Variants in CEP20 observed in about 807,000 individuals in gnomAD.
The protein encoded by CEP20 is FGFR1OP N-terminal like.
A neutral mutation model predicts 20.0 loss-of-function variants in CEP20; 18 were observed. The ratio of observed to expected loss-of-function variants is 0.90; its 90% CI spans 0.62 to 1.34. The LOEUF is 1.34. Among genes scored for constraint, CEP20 ranks in the 40% most tolerant of loss-of-function variants. The pLI, the probability that CEP20 is intolerant of heterozygous loss-of-function variation, is 0.00. For missense variants in CEP20, 215 were observed against 201.6 expected (o/e 1.07, Z -0.40); for synonymous variants, 77 against 73.7 (o/e 1.04, Z -0.23).
intron 3 of CEP20, among the ~76,000 whole-genome samples, chr16:15,876,783 C>A (rs2044960926): frequency 1.3e-5 from 2 of 151,690 alleles, no homozygotes; most frequent in African/African-American, 2.4e-5. Context: ...AAAGAAGTTA[C>A]CTAACTTTTA....
intron 2 of CEP20, chr16:15,883,195 C>G (rs1282551831): frequency 6.6e-6 from 1 of 152,120 alleles, no homozygotes; most frequent in Non-Finnish European, 1.5e-5. Context: ...GAGCTCATCT[C>G]TATAAATAAT....
chr16:15,867,912 G>T (rs1258162068), intron 4 of CEP20, among the ~76,000 whole-genome samples: 1 of 147,844 alleles, frequency 6.8e-6, no homozygotes, highest in Non-Finnish European at 1.5e-5. Flanking sequence ...GGCAGAAGTT[G>T]CAGTGAGCCA....
chr16:15,875,215 C>T (rs1018300287), intron 3 of CEP20, among the ~76,000 whole-genome samples: 7 of 152,100 alleles, frequency 4.6e-5, no homozygotes, highest in South Asian at 2.1e-4. Context: ...AATAAGATGC[C>T]GCAACTCTTA....
intron 1 of CEP20, chr16:15,886,141 C>G (rs2045241760): frequency 6.6e-6 from 1 of 152,212 alleles, no homozygotes; most frequent in South Asian, 2.1e-4. Flanking sequence ...CTGCCAAAGG[C>G]ACCAAGTAAG....
At chr16:15,883,840 C>G (rs989554551) in intron 2 of CEP20, among the ~76,000 whole-genome samples, 168 bp downstream of exon 2, 1 of 152,074 alleles carries the variant, frequency 6.6e-6, no homozygotes, top group Non-Finnish European at 1.5e-5. Context: ...TATGTATTTT[C>G]TCTTGTAAGA....
chr16:15,888,291 T>C (rs1330296745), intron 1 of CEP20, among the ~76,000 whole-genome samples: 1 of 152,112 alleles, frequency 6.6e-6, no homozygotes, highest in East Asian at 1.9e-4. Flanking sequence ...TGCAGGCCTG[T>C]AGGCCTCTTA....
intron 1 of CEP20, among the ~76,000 whole-genome samples, chr16:15,885,294 T>C (rs758919206): frequency 2.2e-4 from 33 of 150,292 alleles, no homozygotes; most frequent in Non-Finnish European, 3.5e-4. Context: ...GGCGAAAGAG[T>C]GAGACTCTGT....
chr16:15,867,655 AC>A (rs1229594036), intron 4 of CEP20, 139 bp from the exon 5 acceptor site: 5 of 547,986 alleles, frequency 9.1e-6, no homozygotes, highest in South Asian at 3.6e-5. Flanking sequence ...AATGAAAAAA[AC>A]CCATTATTTT....
In CEP20 at chr16:15,865,914, T is replaced by C. The variant is rs1033298331; in HGVS notation, c.*1526A>G. The C allele has an allele frequency of 1.3e-5, 2 of 152,206 alleles. No individual in the cohort carries two copies. Among genetic ancestry groups the C allele is most frequent in the African/African-American group, 2.4e-5 (1 of 41,458 alleles). The allele number at this position is 152,206 out of a possible 1,614,324, so 9.4% of individuals were successfully genotyped here. On this transcript the variant is annotated 3_prime_UTR_variant, in exon 5 of 5. Transcript: ENST00000255759. ...CATTTTTTCCGAATATAGTCTTACA[T>C]GATTGCAATTCCTGAGGTAAACTAA...
intron 3 of CEP20, among the ~76,000 whole-genome samples, chr16:15,875,630 G>C (rs150888296): frequency 1.3e-5 from 2 of 152,252 alleles, no homozygotes; most frequent in East Asian, 3.9e-4. Context: ...TTTAAAATAA[G>C]TTTCAAAAAG....
In CEP20 at chr16:15,865,975, T is replaced by C. The variant is rs189137827; in HGVS notation, c.*1465A>G. 2 of 152,174 alleles carry C rather than the reference T, an allele frequency of 1.3e-5. No individual in the cohort carries two copies. The highest frequency in any genetic ancestry group is 3.9e-4 in the East Asian group (2 of 5,180). 9.4% of individuals were successfully genotyped at this position (152,174 alleles called of 1,614,324 possible). On this transcript the variant is annotated 3_prime_UTR_variant, in exon 5 of 5. Coordinates refer to ENST00000255759, the MANE Select transcript of CEP20 (RefSeq NM_144600.4). The stretch of plus-strand genomic sequence containing the variant: ...CCAACATCCTTGGACGAAAACCAAG[T>C]CCCCCGGGAGAATTCAGATATTTAT...
intron 1 of CEP20, chr16:15,886,189 G>C (rs2045242878): frequency 6.6e-6 from 1 of 152,220 alleles, no homozygotes; most frequent in African/African-American, 2.4e-5. Context: ...GAGAGCCCAG[G>C]AGCTTATCCA....
chr16:15,878,498 C>CTT (rs11290804), intron 3 of CEP20, among the ~76,000 whole-genome samples: 1 of 139,824 alleles, frequency 7.2e-6, no homozygotes, highest in Non-Finnish European at 1.6e-5. Context: ...ACTTTCAGAA[C>CTT]TTTTTTTTTT....
intron 2 of CEP20, chr16:15,882,939 C>T (rs12596627): frequency 0.22 from 33,033 of 151,370 alleles, 3,881 homozygotes; most frequent in African/African-American, 0.35. Context: ...CCGGGCCTGG[C>T]AGCACACACC....
At chr16:15,868,402 G>A (rs868470267) in intron 4 of CEP20, among the ~76,000 whole-genome samples, 4 of 152,070 alleles carry the variant, frequency 2.6e-5, no homozygotes, top group Non-Finnish European at 5.9e-5. Context: ...CAGCCTGGGC[G>A]ACAGAGCAAG....
At chr16:15,878,040 C>T (rs773339967) in intron 3 of CEP20, among the ~76,000 whole-genome samples, 22 of 149,706 alleles carry the variant, frequency 1.5e-4, no homozygotes, top group Non-Finnish European at 2.5e-4. Flanking sequence ...GGCGACAGAG[C>T]GAGACCCTAT....
intron 4 of CEP20, among the ~76,000 whole-genome samples, chr16:15,869,347 G>A (rs141626378): frequency 0.071 from 9,573 of 133,996 alleles, 426 homozygotes; most frequent in East Asian, 0.23. Context: ...GTCTCGCTCT[G>A]TCGCCCAGGC....
intron 1 of CEP20, among the ~76,000 whole-genome samples, chr16:15,887,933 C>A (rs1259373288): frequency 6.6e-6 from 1 of 151,806 alleles, no homozygotes; most frequent in Non-Finnish European, 1.5e-5. Context: ...CAAAAATTAG[C>A]CGGGCGTAGT....
chr16:15,868,816 G>A (rs1226818931), intron 4 of CEP20, among the ~76,000 whole-genome samples: 2 of 152,278 alleles, frequency 1.3e-5, no homozygotes, highest in East Asian at 3.9e-4. Flanking sequence ...TTCTAGAAAA[G>A]TGTTATAAAA....
Sources: allele counts gnomAD v4.1 joint callset (sites outside exome capture counted in the v4.1 genomes callset), GRCh38; gene constraint gnomAD v4.1.1; transcripts MANE v1.5; gene names NCBI Gene and HGNC (gene_info 2026-07-23, HGNC 2026-07-21).